Variants in JAKMIP1 observed in about 807,000 individuals in gnomAD.
The protein encoded by JAKMIP1 is janus kinase and microtubule interacting protein 1.
In JAKMIP1, 33 loss-of-function variants were observed where a neutral mutation model predicts 113.0. That is an observed-to-expected ratio of 0.29 (90% confidence interval 0.22 to 0.39). JAKMIP1 has a LOEUF of 0.39. Among genes scored for constraint, JAKMIP1 ranks in the 10% least tolerant of loss-of-function variants. The probability of loss-of-function intolerance (pLI) is 1.00; values close to 1 mark genes in which losing one functional copy is unlikely to be tolerated. For synonymous variants in JAKMIP1, 480 were observed against 459.9 expected (o/e 1.04, Z -0.56); for missense variants, 813 against 1,080.5 (o/e 0.75, Z 3.47).
intron 2 of JAKMIP1, among the ~76,000 whole-genome samples, chr4:6,110,608 G>A (rs1297272556): frequency 6.9e-6 from 1 of 145,282 alleles, no homozygotes; most frequent in Non-Finnish European, 1.5e-5. Context: ...GGCATGTAAA[G>A]GTCACCCTGA....
intron 20 of JAKMIP1, among the ~76,000 whole-genome samples, chr4:6,026,673 G>T (rs534530181): frequency 6.6e-6 from 1 of 151,804 alleles, no homozygotes; most frequent in African/African-American, 2.4e-5. Context: ...AGACGGGGGC[G>T]TGATGTGTGC....
In JAKMIP1 at chr4:6,168,540, G is replaced by T. The variant is rs1024825301; in HGVS notation, c.-148+31713C>A. 1.3e-5 allele frequency among the ~76,000 whole-genome samples: 2 copies of T among 152,172 alleles called. No individual in the cohort carries two copies. The highest frequency in any genetic ancestry group is 6.5e-5 in the Admixed American group (1 of 15,280). ...ACATTCCACTAAATGAAGAAAGCCA[G>T]TCACAAAATACCACAGATTGAATAT... On this transcript the variant is annotated intron_variant, in intron 1 of 20. Transcript: ENST00000409021. This position sits in a 1 kb window ranked among gnomAD's most constrained non-coding sequence, Gnocchi z 4.6.
intron 1 of JAKMIP1, among the ~76,000 whole-genome samples, chr4:6,159,211 C>T (rs1020131637): frequency 6.6e-6 from 1 of 151,934 alleles, no homozygotes; most frequent in Non-Finnish European, 1.5e-5. Flanking sequence ...ACTGGATAGC[C>T]ACCTACAGCC....
At chr4:6,109,171 C>T (rs1211043265) in intron 2 of JAKMIP1, among the ~76,000 whole-genome samples, 1 of 133,638 alleles carries the variant, frequency 7.5e-6, no homozygotes, top group African/African-American at 2.8e-5. Context: ...CTCGCTCTGT[C>T]CCCCAGGCTG....
At position 6,200,292 on chromosome 4, in the gene JAKMIP1, A is replaced by C. The variant is rs910065699; in HGVS notation, c.-187T>G. 1 of 152,416 alleles carries C rather than the reference A, an allele frequency of 6.6e-6. No homozygotes were observed. The highest frequency in any genetic ancestry group is 1.5e-5 in the Non-Finnish European group (1 of 68,028). The allele number at this position is 152,416 out of a possible 1,614,324, so 9.4% of individuals were successfully genotyped here. ...GGCCCGAGCCGGGCAGCAGCAGCGG[A>C]CGTAGCGAGCGCAGCCCCGCGCCGC... On this transcript the variant is annotated 5_prime_UTR_variant, in exon 1 of 21. Coordinates refer to ENST00000409021, the MANE Select transcript of JAKMIP1 (RefSeq NM_001099433.2). This position sits in a 1 kb window ranked among gnomAD's most constrained non-coding sequence, Gnocchi z 7.0.
chr4:6,038,005 G>T (rs61539828), intron 18 of JAKMIP1, among the ~76,000 whole-genome samples: 5 of 128,076 alleles, frequency 3.9e-5, no homozygotes, highest in South Asian at 2.6e-4. Flanking sequence ...CATCACTGAG[G>T]CAGAGGTTAA....
rs148653247 is a variant in JAKMIP1, at chr4:6,080,271, G to A, written c.1143C>T (p.Thr381=). The change falls in exon 7 of 21, where the codon ACC becomes ACT. Residue 381 remains threonine, a synonymous_variant. Transcript: ENST00000409021. This position sits in a 1 kb window ranked among gnomAD's most constrained non-coding sequence, Gnocchi z 6.0. ...TCGTCAGGCTGAGGTCATTCAAGGAGGTATGCCGCTTCAGAGACGCCTGCG... is the reference window on the plus strand; with the variant it reads ...TCGTCAGGCTGAGGTCATTCAAGGAAGTATGCCGCTTCAGAGACGCCTGCG... The part of the protein sequence containing the change: ...LSAQASLKRH[T]SLNDLSLTRD... 6.8e-4 allele frequency: 1,096 copies of A among 1,614,196 alleles called. No homozygotes were observed. Among genetic ancestry groups the A allele is most frequent in the Middle Eastern group, 1.3e-3 (8 of 6,062 alleles).
At position 6,180,629 on chromosome 4, in the gene JAKMIP1, C is replaced by T. The variant is rs1725912425; in HGVS notation, c.-148+19624G>A. 6.6e-6 allele frequency among the ~76,000 whole-genome samples: 1 copy of T among 152,188 alleles called. No homozygotes were observed. Among genetic ancestry groups the T allele is most frequent in the Admixed American group, 6.5e-5 (1 of 15,274 alleles). ...ACTGTCCAAATTACCTAGTATTCTG[C>T]AGCCCTGTGACAAGGGTATTCTTAG... On this transcript the variant is annotated intron_variant, in intron 1 of 20. Coordinates refer to ENST00000409021, the MANE Select transcript of JAKMIP1 (RefSeq NM_001099433.2). The surrounding 1 kb of genome is among the most constrained non-coding windows in gnomAD (Gnocchi z 4.5).
At chr4:6,090,523 A>C (rs1003951423) in intron 3 of JAKMIP1, among the ~76,000 whole-genome samples, 4 of 152,214 alleles carry the variant, frequency 2.6e-5, no homozygotes, top group Non-Finnish European at 5.9e-5. Context: ...AAACTAACAG[A>C]GCACCACACC....
Position 6,060,450 on chromosome 4 carries a change from C to T in JAKMIP1, c.1618G>A (p.Glu540Lys). Residue 540 changes from glutamate (E) to lysine (K), a missense_variant, in exon 11 of 21, where the codon GAG (glutamate) becomes AAG (lysine). Coordinates refer to ENST00000409021, the MANE Select transcript of JAKMIP1 (RefSeq NM_001099433.2). ...TGTCCCTTCTCAACCAGTAACTTCT[C>T]CAAATCTTCGATTTTGGCCTGACAC... ...LRCQAKIEDL[E>K]KLLVEKGQDS... 1.2e-6 allele frequency: 2 copies of T among 1,614,078 alleles called. No individual in the cohort carries two copies. The highest frequency in any genetic ancestry group is 8.5e-7 in the Non-Finnish European group (1 of 1,179,932).
chr4:6,102,408 T>G (rs1395181337), intron 3 of JAKMIP1, among the ~76,000 whole-genome samples: 1 of 152,066 alleles, frequency 6.6e-6, no homozygotes, highest in Non-Finnish European at 1.5e-5. Flanking sequence ...ATGAAGGGAG[T>G]TAGTGACCTT....
In JAKMIP1 at chr4:6,069,224, T is replaced by TA. The variant is rs774819309; in HGVS notation, c.1303-4217dup. On this transcript the variant is annotated intron_variant, in intron 8 of 20. Coordinates refer to ENST00000409021, the MANE Select transcript of JAKMIP1 (RefSeq NM_001099433.2). The surrounding 1 kb of genome is among the most constrained non-coding windows in gnomAD (Gnocchi z 4.5). ...GTCATGACTGGCACACAGTGGGCTTTAAAAAAAATGGCAAACATGAAAGAA... is the reference window on the plus strand; with the variant it reads ...GTCATGACTGGCACACAGTGGGCTTTAAAAAAAAATGGCAAACATGAAAGAA... Among the ~76,000 whole-genome samples, 2 of 152,038 alleles carry TA rather than the reference T, an allele frequency of 1.3e-5. No individual in the cohort carries two copies. Among genetic ancestry groups the TA allele is most frequent in the East Asian group, 3.9e-4 (2 of 5,168 alleles).
At chr4:6,075,303 A>T (rs1041010293) in intron 8 of JAKMIP1, among the ~76,000 whole-genome samples, 2 of 152,196 alleles carry the variant, frequency 1.3e-5, no homozygotes, top group Non-Finnish European at 2.9e-5. Context: ...CAGAAAGCCA[A>T]GTGTACTGAA....
At position 6,179,111 on chromosome 4, in the gene JAKMIP1, G is replaced by A. The variant is rs1238821734; in HGVS notation, c.-148+21142C>T. ...ACTAGAATGTGCTTTTCAAACCTTT[G>A]TTGCTCTTTTTCATGAAATGGTCTT... On this transcript the variant is annotated intron_variant, in intron 1 of 20. Coordinates refer to ENST00000409021, the MANE Select transcript of JAKMIP1 (RefSeq NM_001099433.2). The surrounding 1 kb of genome is among the most constrained non-coding windows in gnomAD (Gnocchi z 4.5). Among the ~76,000 whole-genome samples the A allele has an allele frequency of 6.6e-6, 1 of 152,212 alleles. No homozygotes were observed. The highest frequency in any genetic ancestry group is 1.5e-5 in the Non-Finnish European group (1 of 68,030).
chr4:6,195,666 G>T (rs1727756039), intron 1 of JAKMIP1, among the ~76,000 whole-genome samples: 1 of 152,140 alleles, frequency 6.6e-6, no homozygotes. Context: ...AATCCCTGGC[G>T]AGCTTCAGAG....
rs1560293552 is a variant in JAKMIP1, at chr4:6,158,545, A to G, written c.-148+41708T>C. On this transcript the variant is annotated intron_variant, in intron 1 of 20. Coordinates refer to ENST00000409021, the MANE Select transcript of JAKMIP1 (RefSeq NM_001099433.2). This position sits in a 1 kb window ranked among gnomAD's most constrained non-coding sequence, Gnocchi z 5.3. ...TCACAGGTGGAACATGATTCACTGG[A>G]AAGAAAGGATGAGGTATTCCAGAGG... Among the ~76,000 whole-genome samples the G allele has an allele frequency of 6.6e-6, 1 of 152,168 alleles. No homozygotes were observed. The highest frequency in any genetic ancestry group is 1.5e-5 in the Non-Finnish European group (1 of 68,034).
chr4:6,147,740 C>T (rs113777381), intron 1 of JAKMIP1, among the ~76,000 whole-genome samples: 5 of 152,360 alleles, frequency 3.3e-5, no homozygotes, highest in African/African-American at 9.6e-5. Flanking sequence ...CCAGAGGGCC[C>T]GGCCTGGGTC....
chr4:6,033,178 A>T (rs1426432669), intron 19 of JAKMIP1, among the ~76,000 whole-genome samples: 1 of 152,204 alleles, frequency 6.6e-6, no homozygotes, highest in Non-Finnish European at 1.5e-5. Context: ...GGAAAATGCC[A>T]ATTTCAGCTG....
intron 9 of JAKMIP1, 132 bp from the exon 10 acceptor site, chr4:6,062,572 C>T (rs565921595): frequency 2.2e-6 from 2 of 924,070 alleles, no homozygotes; most frequent in East Asian, 2.7e-5. Context: ...ACTTAGACAT[C>T]AAACGACCAC....
Sources: gnomAD v4.1 joint callset for allele counts (sites outside exome capture counted in the v4.1 genomes callset) on GRCh38, gnomAD v4.1.1 for gene constraint, Gnocchi (gnomAD v3.1) non-coding constraint, MANE v1.5 for transcripts, NCBI Gene and HGNC (gene_info 2026-07-23, HGNC 2026-07-21) for gene names.